The following DGKG variants were observed in gnomAD, a reference collection of about 807,000 sequenced individuals.
DGKG encodes the protein DAG kinase gamma.
DGKG carries 78 observed loss-of-function variants against 105.3 expected under a neutral mutation model. The observed-to-expected ratio is 0.74, with a 90% confidence interval of 0.62 to 0.89. The LOEUF (loss-of-function observed/expected upper bound fraction) is 0.89, where lower values mean the gene tolerates loss of function less well. Ranked by LOEUF, DGKG falls within the 40% of genes least tolerant of loss-of-function variation. The pLI is 0.00. For missense variants in DGKG, 958 were observed against 1,020.1 expected (o/e 0.94, Z 0.83); for synonymous variants, 346 against 367.1 (o/e 0.94, Z 0.66).
chr3:186,292,648 G>C (rs886168952), intron 5 of DGKG, among the ~76,000 whole-genome samples: 2 of 149,270 alleles, frequency 1.3e-5, no homozygotes, highest in Admixed American at 6.7e-5. Flanking sequence ...ACAAAAATTA[G>C]CTGGGCGTGG....
intron 19 of DGKG, among the ~76,000 whole-genome samples, chr3:186,245,350 G>C (rs75727442): frequency 0.014 from 2,154 of 152,278 alleles, 27 homozygotes; most frequent in Non-Finnish European, 0.025. Flanking sequence ...AAGGCAATGA[G>C]GGTGAAGACT....
intron 1 of DGKG, among the ~76,000 whole-genome samples, chr3:186,354,066 A>G (rs1237193913): frequency 2.0e-5 from 3 of 152,172 alleles, no homozygotes; most frequent in Non-Finnish European, 4.4e-5. Flanking sequence ...TCTGGGGATC[A>G]GGAACATCCT....
chr3:186,273,874 T>G (rs953908535), intron 10 of DGKG, among the ~76,000 whole-genome samples: 1 of 152,206 alleles, frequency 6.6e-6, no homozygotes, highest in African/African-American at 2.4e-5. Flanking sequence ...GGCTGAGTGT[T>G]GCTGTCCACA....
intron 3 of DGKG, among the ~76,000 whole-genome samples, chr3:186,299,829 CTT>C (rs1274934610): frequency 1.1e-4 from 12 of 107,794 alleles, no homozygotes; most frequent in Middle Eastern, 4.3e-3. Flanking sequence ...TTCTTTCTTT[CTT>C]TCTTTCTTTT....
At chr3:186,355,830 T>G (rs1343372681) in intron 1 of DGKG, among the ~76,000 whole-genome samples, 4 of 152,180 alleles carry the variant, frequency 2.6e-5, no homozygotes, top group Non-Finnish European at 5.9e-5. Flanking sequence ...ATGGGAAAAT[T>G]TATAAAAATG....
chr3:186,153,625 C>G (rs1715879284), intron 24 of DGKG, among the ~76,000 whole-genome samples: 1 of 152,192 alleles, frequency 6.6e-6, no homozygotes. Flanking sequence ...GTGAACTTCA[C>G]TAGTGCTGGG....
intron 14 of DGKG, among the ~76,000 whole-genome samples, chr3:186,264,420 C>T (rs1009381402): frequency 3.3e-5 from 5 of 152,210 alleles, no homozygotes; most frequent in Admixed American, 1.3e-4. Flanking sequence ...CCTCCCACCA[C>T]GCCCGGCTAA....
rs1460768158 is a variant in DGKG, at chr3:186,251,924, G to T, written c.1601-5C>A. ...TCAAGCTGCCCCCTTCATAACCTGTGGAGGACAGCACTGCATTTGCCACCA... is the reference window on the plus strand; with the variant it reads ...TCAAGCTGCCCCCTTCATAACCTGTTGAGGACAGCACTGCATTTGCCACCA... On this transcript the variant is annotated splice_region_variant and splice_polypyrimidine_tract_variant and intron_variant, in intron 18 of 24. Transcript: ENST00000265022. 5 of 1,562,834 alleles carry T rather than the reference G, an allele frequency of 3.2e-6. No individual in the cohort carries two copies. Among genetic ancestry groups the T allele is most frequent in the Non-Finnish European group, 4.3e-6 (5 of 1,152,908 alleles).
At chr3:186,249,505 C>A (rs1363173285) in intron 19 of DGKG, among the ~76,000 whole-genome samples, 1 of 152,000 alleles carries the variant, frequency 6.6e-6, no homozygotes, top group African/African-American at 2.4e-5. Context: ...TATTTTTAGT[C>A]CTTTCTTCTC....
intron 10 of DGKG, 53 bp downstream of exon 10, chr3:186,275,494 T>C (rs1173539994): frequency 9.6e-6 from 14 of 1,459,724 alleles, no homozygotes; most frequent in Non-Finnish European, 1.2e-5. Flanking sequence ...CAACCAACCA[T>C]GCGCAGAGCA....
chr3:186,314,965 C>A (rs1487853496), intron 2 of DGKG, among the ~76,000 whole-genome samples: 1 of 152,114 alleles, frequency 6.6e-6, no homozygotes, highest in East Asian at 1.9e-4. Flanking sequence ...AGAAAAAATG[C>A]CCACCCCCCA....
chr3:186,280,433 T>C (rs1384189758), intron 8 of DGKG, among the ~76,000 whole-genome samples: 1 of 152,210 alleles, frequency 6.6e-6, no homozygotes, highest in Non-Finnish European at 1.5e-5. Flanking sequence ...GCTATAACAT[T>C]TTAGTTCTGG....
intron 20 of DGKG, among the ~76,000 whole-genome samples, chr3:186,224,224 G>T (rs1355156250): frequency 1.3e-5 from 2 of 152,136 alleles, no homozygotes; most frequent in East Asian, 1.9e-4. Context: ...CCTTGCCAGG[G>T]TCCTCTTATT....
At chr3:186,239,215 A>G (rs1720560097) in intron 20 of DGKG, among the ~76,000 whole-genome samples, 1 of 152,132 alleles carries the variant, frequency 6.6e-6, no homozygotes, top group Non-Finnish European at 1.5e-5. Flanking sequence ...ACAAAACAAA[A>G]CAGAACAAAA....
chr3:186,159,162 A>G (rs1356463387), intron 24 of DGKG: 1 of 151,592 alleles, frequency 6.6e-6, no homozygotes, highest in African/African-American at 2.4e-5. Context: ...CAGTCTTAAC[A>G]TCATTCAACT....
In DGKG at chr3:186,240,763, TCG is replaced by T. The variant is rs547006204; in HGVS notation, c.1826+1739_1826+1740del. Among the ~76,000 whole-genome samples, 8 of 146,010 alleles carry T rather than the reference TCG, an allele frequency of 5.5e-5. No individual in the cohort carries two copies. The South Asian group carries it at 1.7e-3, about 31-fold the overall frequency. ...AGGTGGAAGTTGCAGTGAGCCAAGA[TCG>T]CGCCACTGCACTCCAGGCTGAGCAA... On this transcript the variant is annotated intron_variant, in intron 20 of 24. Transcript: ENST00000265022.
intron 5 of DGKG, among the ~76,000 whole-genome samples, chr3:186,292,016 G>A (rs1340423883): frequency 1.3e-5 from 2 of 152,134 alleles, no homozygotes; most frequent in African/African-American, 4.8e-5. Flanking sequence ...TGTCTCATTA[G>A]TGTCCTTCCT....
chr3:186,268,710 T>C, intron 12 of DGKG, 91 bp downstream of exon 12: 1 of 897,250 alleles, frequency 1.1e-6, no homozygotes, highest in Non-Finnish European at 1.8e-6. Flanking sequence ...GCTTTGCTCA[T>C]GCCCTCTGGC....
At chr3:186,304,274 C>A (rs1289353779) in intron 3 of DGKG, among the ~76,000 whole-genome samples, 2 of 152,234 alleles carry the variant, frequency 1.3e-5, no homozygotes, top group African/African-American at 2.4e-5. Context: ...GCAGTGAGTT[C>A]TTTGCTGGCT....
Sources: allele counts gnomAD v4.1 joint callset (sites outside exome capture counted in the v4.1 genomes callset), GRCh38; gene constraint gnomAD v4.1.1; transcripts MANE v1.5; gene names NCBI Gene and HGNC (gene_info 2026-07-23, HGNC 2026-07-21).